The following SYNGR3 variants were observed in gnomAD, a reference collection of about 807,000 sequenced individuals.
SYNGR3 encodes the protein synaptogyrin-3.
SYNGR3 carries 10 observed loss-of-function variants against 18.5 expected under a neutral mutation model. That is an observed-to-expected ratio of 0.54 (90% CI 0.33 to 0.92). The LOEUF (loss-of-function observed/expected upper bound fraction) is 0.92, where lower values mean the gene tolerates loss of function less well. SYNGR3 is among the 40% of genes least tolerant of loss of function. SYNGR3 has a pLI of 0.02. For missense variants in SYNGR3, 335 were observed against 332.8 expected (o/e 1.01, Z -0.05); for synonymous variants, 188 against 157.2 (o/e 1.20, Z -1.47).
At chr16:1,991,793 A>G (rs1351985327) in intron 1 of SYNGR3, 181 bp from the exon 2 acceptor site, 2 of 576,174 alleles carry the variant, frequency 3.5e-6, no homozygotes, top group Non-Finnish European at 6.0e-6. Flanking sequence ...GATGCTCACT[A>G]AACGGCCCGT....
In SYNGR3 at chr16:1,992,859, G is replaced by A. The variant is rs1372414365; in HGVS notation, c.481-4G>A. 2.6e-6 allele frequency: 4 copies of A among 1,553,032 alleles called. No individual in the cohort carries two copies. The highest frequency in any genetic ancestry group is 3.5e-6 in the Non-Finnish European group (4 of 1,150,274). On this transcript the variant is annotated splice_polypyrimidine_tract_variant and splice_region_variant and intron_variant, in intron 3 of 3. Transcript: ENST00000248121. ...GCTGACCCCGCTGACCCCGCCCCGC[G>A]CAGGTGGCGCTCACCGTGAAGGCCC... is the stretch of plus-strand genomic sequence containing the variant.
Position 1,993,239 on chromosome 16 carries a change from C to T in SYNGR3, c.*167C>T. 17 of 830,922 alleles carry T rather than the reference C, an allele frequency of 2.0e-5. No individual in the cohort carries two copies. The South Asian group carries it at 2.9e-4, about 14-fold the overall frequency. The allele number at this position is 830,922 out of a possible 1,614,324, so 51.5% of individuals were successfully genotyped here. A position where few individuals can be genotyped will look rare whatever the true frequency, so the allele number is the denominator to read the frequency against. ...GGTGGACCCGCGTGTCTGGGCTGCC[C>T]CTGCCAAGTTCCCCCAGTCCCTCAG... is the stretch of plus-strand genomic sequence containing the variant. On this transcript the variant is annotated 3_prime_UTR_variant, in exon 4 of 4. Transcript: ENST00000248121.
rs1412924649 is a variant in SYNGR3 at position 1,994,209 on chromosome 16, A to G, written c.*1137A>G. 1 of 153,992 alleles carries G rather than the reference A, an allele frequency of 6.5e-6. No homozygotes were observed. The highest frequency in any genetic ancestry group is 2.4e-5 in the African/African-American group (1 of 41,444). The allele number at this position is 153,992 out of a possible 1,614,324, so 9.5% of individuals were successfully genotyped here. A position where few individuals can be genotyped will look rare whatever the true frequency, so the allele number is the denominator to read the frequency against. On this transcript the variant is annotated 3_prime_UTR_variant, in exon 4 of 4. Coordinates refer to ENST00000248121, the MANE Select transcript of SYNGR3 (RefSeq NM_004209.6). ...TCTCCTGAAAGACCAGAGATTGTGT[A>G]TTTTCAGTGTCCCATGTTCCGACTG...
Position 1,994,169 on chromosome 16 carries a change from A to C in SYNGR3, c.*1097A>C. The C allele has an allele frequency of 6.5e-6, 1 of 154,718 alleles. No individual in the cohort carries two copies. Among genetic ancestry groups the C allele is most frequent in the Non-Finnish European group, 1.4e-5 (1 of 69,232 alleles). The allele number at this position is 154,718 out of a possible 1,614,324, so 9.6% of individuals were successfully genotyped here. The stretch of plus-strand genomic sequence containing the variant: ...GTGAACATGTTTACAATTTTTGTAT[A>C]TATCACTCTCTCCCTCTCCTGAAAG... On this transcript the variant is annotated 3_prime_UTR_variant, in exon 4 of 4. Coordinates refer to ENST00000248121, the MANE Select transcript of SYNGR3 (RefSeq NM_004209.6).
chr16:1,992,328 G>T, intron 2 of SYNGR3, 117 bp downstream of exon 2: 1 of 800,878 alleles, frequency 1.2e-6, no homozygotes, highest in Non-Finnish European at 1.8e-6. Context: ...GACGAGGGGC[G>T]GGGACTGAGG....
At chr16:1,990,463 C>T (rs1264924110) in intron 1 of SYNGR3, 1 of 545,370 alleles carries the variant, frequency 1.8e-6, no homozygotes, top group South Asian at 1.7e-5. Flanking sequence ...CTACCCCTAC[C>T]TCCTCCCCGG....
Position 1,994,086 on chromosome 16 carries a change from C to G in SYNGR3, c.*1014C>G, listed in dbSNP as rs1214205663. The G allele has an allele frequency of 6.1e-6, 1 of 162,836 alleles. No individual in the cohort carries two copies. The highest frequency in any genetic ancestry group is 1.4e-5 in the Non-Finnish European group (1 of 73,664). The allele number at this position is 162,836 out of a possible 1,614,324, so 10.1% of individuals were successfully genotyped here. A position where few individuals can be genotyped will look rare whatever the true frequency, so the allele number is the denominator to read the frequency against. Reference sequence around the variant, plus strand: ...AGACAGACACCTCCCTCTGGAGATGCAGTTGAGTGACAACCTTGTTACATT... The same window carrying G: ...AGACAGACACCTCCCTCTGGAGATGGAGTTGAGTGACAACCTTGTTACATT... On this transcript the variant is annotated 3_prime_UTR_variant, in exon 4 of 4. Coordinates refer to ENST00000248121, the MANE Select transcript of SYNGR3 (RefSeq NM_004209.6).
intron 1 of SYNGR3, 189 bp from the exon 2 acceptor site, chr16:1,991,785 T>C: frequency 1.8e-6 from 1 of 564,342 alleles, no homozygotes; most frequent in South Asian, 2.1e-5. Context: ...GCATAGTAGA[T>C]GCTCACTAAA....
chr16:1,992,347 G>C, intron 2 of SYNGR3, 136 bp downstream of exon 2: 1 of 371,416 alleles, frequency 2.7e-6, no homozygotes, highest in Non-Finnish European at 4.4e-6. Flanking sequence ...GGCAGGGAGT[G>C]TCAATGGGCC....
In SYNGR3 at chr16:1,990,454, T is replaced by A. The variant is rs760446769; in HGVS notation, c.99+253T>A. On this transcript the variant is annotated intron_variant, in intron 1 of 3. Coordinates refer to ENST00000248121, the MANE Select transcript of SYNGR3 (RefSeq NM_004209.6). ...TTGAGAGGTCACCGCCGGTCGCCTCTACCCCTACCTCCTCCCCGGGTCTAA... is the reference window on the plus strand; with the variant it reads ...TTGAGAGGTCACCGCCGGTCGCCTCAACCCCTACCTCCTCCCCGGGTCTAA... The A allele has an allele frequency of 2.6e-5, 14 of 533,348 alleles. No individual in the cohort carries two copies. The African/African-American group carries it at 2.8e-4, about 11-fold the overall frequency. 33.0% of individuals were successfully genotyped at this position (533,348 alleles called of 1,614,324 possible). A position where few individuals can be genotyped will look rare whatever the true frequency, so the allele number is the denominator to read the frequency against.
intron 3 of SYNGR3, 33 bp from the exon 4 acceptor site, chr16:1,992,830 C>A (rs369786219): frequency 4.4e-5 from 67 of 1,513,324 alleles, no homozygotes; most frequent in Non-Finnish European, 5.3e-5. Flanking sequence ...CTCGGCTGAT[C>A]CCGGCTGACC....
chr16:1,990,574 A>G, intron 1 of SYNGR3: 2 of 437,802 alleles, frequency 4.6e-6, no homozygotes, highest in Admixed American at 5.0e-5. Context: ...GAGGGGCAGG[A>G]GGGGGCTACG....
Position 1,993,306 on chromosome 16 carries a change from T to C in SYNGR3, c.*234T>C, listed in dbSNP as rs2083615049. ...TGAGGTCCTGAGAAGGGGATAGCAC[T>C]GCCCAGGACGTGTGTCCCTAGCCTG... is the stretch of plus-strand genomic sequence containing the variant. On this transcript the variant is annotated 3_prime_UTR_variant, in exon 4 of 4. Coordinates refer to ENST00000248121, the MANE Select transcript of SYNGR3 (RefSeq NM_004209.6). 2 of 636,092 alleles carry C rather than the reference T, an allele frequency of 3.1e-6. No individual in the cohort carries two copies. Among genetic ancestry groups the C allele is most frequent in the Non-Finnish European group, 5.7e-6 (2 of 353,514 alleles). 39.4% of individuals were successfully genotyped at this position (636,092 alleles called of 1,614,324 possible).
intron 2 of SYNGR3, 98 bp from the exon 3 acceptor site, chr16:1,992,538 C>A: frequency 7.1e-7 from 1 of 1,412,008 alleles, no homozygotes; most frequent in South Asian, 1.4e-5. Flanking sequence ...CCAGGCGAGG[C>A]GCCCCAAGCC....
At chr16:1,990,506 T>A (rs1567337421) in intron 1 of SYNGR3, 1 of 513,280 alleles carries the variant, frequency 1.9e-6, no homozygotes, top group Admixed American at 2.3e-5. Context: ...CAGCCCTTAC[T>A]CCGTTTTTCC....
chr16:1,992,449 C>T, intron 2 of SYNGR3, 187 bp from the exon 3 acceptor site: 2 of 882,536 alleles, frequency 2.3e-6, no homozygotes, highest in Non-Finnish European at 3.2e-6. Flanking sequence ...GGAGCCTGGG[C>T]GCGGAACGGG....
At chr16:1,991,575 C>T (rs2083604114) in intron 1 of SYNGR3, 2 of 181,154 alleles carry the variant, frequency 1.1e-5, no homozygotes, top group Non-Finnish European at 2.3e-5. Flanking sequence ...ACTCCACGGG[C>T]CCACGCGGTG....
In SYNGR3 at chr16:1,992,928, C is replaced by A; in HGVS notation, c.546C>A (p.Thr182=). The stretch of plus-strand genomic sequence containing the variant: ...GCACCGACATGTCACTCTTCGCCAC[C>A]GAACAGCTGAGCACCGGGGCGAGCC... ...RLGTDMSLFA[T]EQLSTGASQA... Residue 182 remains threonine (T), a synonymous_variant, in exon 4 of 4, where the codon ACC becomes ACA. Coordinates refer to ENST00000248121, the MANE Select transcript of SYNGR3 (RefSeq NM_004209.6). 1 of 1,610,458 alleles carries A rather than the reference C, an allele frequency of 6.2e-7. No homozygotes were observed. The highest frequency in any genetic ancestry group is 8.5e-7 in the Non-Finnish European group (1 of 1,178,900).
rs2083593786 is a variant in SYNGR3 at position 1,990,049 on chromosome 16, G to A, written c.-54G>A. 6.3e-6 allele frequency: 5 copies of A among 790,656 alleles called. No homozygotes were observed. The highest frequency in any genetic ancestry group is 4.2e-5 in the East Asian group (1 of 23,674). 49.0% of individuals were successfully genotyped at this position (790,656 alleles called of 1,614,324 possible). ...GCAGCGGCCTCGGGCGGGGCCGGCC[G>A]GACGGACAGGCGGACAGAAGGCGCC... On this transcript the variant is annotated 5_prime_UTR_variant, in exon 1 of 4. Coordinates refer to ENST00000248121, the MANE Select transcript of SYNGR3 (RefSeq NM_004209.6).
Sources: gnomAD v4.1 joint callset for allele counts on GRCh38, gnomAD v4.1.1 for gene constraint, MANE v1.5 for transcripts, NCBI Gene and HGNC (gene_info 2026-07-23, HGNC 2026-07-21) for gene names.